LEMD1: variants seen among roughly 807,000 people sequenced by gnomAD.
The protein encoded by LEMD1 is LEM domain containing 1.
In LEMD1, 18 loss-of-function variants were observed where a neutral mutation model predicts 17.4. The observed-to-expected ratio is 1.04, with a 90% CI of 0.72 to 1.54. The LOEUF (loss-of-function observed/expected upper bound fraction) is 1.54. LEMD1 is among the 40% of genes most tolerant of loss of function. LEMD1 has a pLI of 0.00. For synonymous variants in LEMD1, 88 were observed against 77.8 expected, an observed-to-expected ratio of 1.13 and a Z score of -0.69; for missense variants, 195 against 210.4, an observed-to-expected ratio of 0.93 and a Z score of 0.45.
intron 5 of LEMD1, 112 bp downstream of exon 5, chr1:205,384,176 C>T (rs1217502081): frequency 5.3e-6 from 3 of 561,232 alleles, no homozygotes; most frequent in Non-Finnish European, 8.6e-6. Context: ...TCTCCTTTCT[C>T]AACAGATTCT....
intron 1 of LEMD1, among the ~76,000 whole-genome samples, chr1:205,442,025 C>G (rs540719142): frequency 6.6e-6 from 1 of 152,206 alleles, no homozygotes; most frequent in Non-Finnish European, 1.5e-5. Flanking sequence ...CCTTAACCAC[C>G]TGCAGATTTT....
intron 4 of LEMD1, among the ~76,000 whole-genome samples, chr1:205,390,186 CT>C (rs1176859711): frequency 1.3e-5 from 2 of 152,014 alleles, no homozygotes; most frequent in African/African-American, 2.4e-5. Context: ...GAAACTCCAC[CT>C]CTACTAAAAA....
intron 1 of LEMD1, among the ~76,000 whole-genome samples, chr1:205,439,131 A>T (rs1666253367): frequency 1.3e-5 from 2 of 152,190 alleles, no homozygotes; most frequent in Non-Finnish European, 2.9e-5. Flanking sequence ...CTCTGTATCA[A>T]GGTAACTTTT....
chr1:205,427,903 G>A (rs1666077928), intron 1 of LEMD1, among the ~76,000 whole-genome samples: 1 of 152,216 alleles, frequency 6.6e-6, no homozygotes, highest in Non-Finnish European at 1.5e-5. Context: ...CCATACTCGT[G>A]AAATGGAAAC....
At chr1:205,390,037 T>C (rs1461695150) in intron 4 of LEMD1, among the ~76,000 whole-genome samples, 1 of 151,936 alleles carries the variant, frequency 6.6e-6, no homozygotes, top group Non-Finnish European at 1.5e-5. Flanking sequence ...AACCTTATGA[T>C]CATCTCCATT....
At chr1:205,419,385 T>C in intron 2 of LEMD1, 33 bp from the exon 3 acceptor site, 1 of 1,613,520 alleles carries the variant, frequency 6.2e-7, no homozygotes. Context: ...AATTAAATTG[T>C]TCTGTTTTTT....
rs964368964 is a variant in LEMD1 at position 205,441,728 on chromosome 1, G to A, written c.-39+8140C>T. Among the ~76,000 whole-genome samples, 8 of 152,222 alleles carry A rather than the reference G, an allele frequency of 5.3e-5. No homozygotes were observed. The highest frequency in any genetic ancestry group is 1.3e-4 in the Admixed American group (2 of 15,282). On this transcript the variant is annotated intron_variant, in intron 1 of 3. Transcript: ENST00000367154. The surrounding 1 kb of genome is among the most constrained non-coding windows in gnomAD (Gnocchi z 4.3). ...GCAAAGAGGGTTCTTTTAGCCAACA[G>A]GCTCTTTTATTTAGCACCTATGCTG...
chr1:205,435,481 T>C (rs1558741739), intron 1 of LEMD1: 1 of 152,258 alleles, frequency 6.6e-6, no homozygotes, highest in Non-Finnish European at 1.5e-5. Flanking sequence ...TATTTTGCTT[T>C]AGGCAGAAAG....
At position 205,381,524 on chromosome 1, in the gene LEMD1, TGA is replaced by T. The variant is rs1274688711; in HGVS notation, c.*132_*133del. On this transcript the variant is annotated 3_prime_UTR_variant, in exon 6 of 6. Coordinates refer to ENST00000367153, the MANE Select transcript of LEMD1 (RefSeq NM_001199050.2). ...CTGGCTGAGCCCAGACACCGATCTG[TGA>T]GAGCAGCACAGTGCAAGGGAAGGCT... The T allele has an allele frequency of 1.2e-6, 1 of 830,436 alleles. No individual in the cohort carries two copies. 51.4% of individuals were successfully genotyped at this position (830,436 alleles called of 1,614,324 possible). A position where few individuals can be genotyped will look rare whatever the true frequency, so the allele number is the denominator to read the frequency against.
chr1:205,422,722 G>A (rs1007377131), upstream of LEMD1, among the ~76,000 whole-genome samples: 6 of 152,302 alleles, frequency 3.9e-5, no homozygotes, highest in East Asian at 1.9e-4. Context: ...TTTTAAAGAC[G>A]TGTGCAAGAC....
In LEMD1 at chr1:205,381,616, G is replaced by C; in HGVS notation, c.*42C>G. ...GGTAGTGTTTTGGTTCTTTCCTGAA[G>C]CAGGAGGCCTCGCTTGGAGCATTGC... On this transcript the variant is annotated 3_prime_UTR_variant, in exon 6 of 6. Coordinates refer to ENST00000367153, the MANE Select transcript of LEMD1 (RefSeq NM_001199050.2). The C allele has an allele frequency of 6.3e-7, 1 of 1,596,674 alleles. No individual in the cohort carries two copies. Among genetic ancestry groups the C allele is most frequent in the Non-Finnish European group, 8.6e-7 (1 of 1,164,132 alleles).
intron 4 of LEMD1, among the ~76,000 whole-genome samples, chr1:205,388,509 C>G (rs906107202): frequency 6.6e-6 from 1 of 152,058 alleles, no homozygotes; most frequent in Non-Finnish European, 1.5e-5. Context: ...ATCTTTCTAA[C>G]AACTCTAGGA....
chr1:205,428,431 C>G (rs376493632), intron 1 of LEMD1, among the ~76,000 whole-genome samples: 1 of 152,140 alleles, frequency 6.6e-6, no homozygotes, highest in Non-Finnish European at 1.5e-5. Flanking sequence ...TTTCCTGAAC[C>G]CTACCACATG....
chr1:205,434,792 A>G (rs966496492), intron 1 of LEMD1: 1 of 152,222 alleles, frequency 6.6e-6, no homozygotes, highest in Non-Finnish European at 1.5e-5. Context: ...ATGGAAACAA[A>G]TGTTTAGCTT....
At chr1:205,419,557 C>T (rs1665861848) in intron 2 of LEMD1, among the ~76,000 whole-genome samples, 1 of 152,172 alleles carries the variant, frequency 6.6e-6, no homozygotes, top group South Asian at 2.1e-4. Context: ...CTCTGCCTCC[C>T]ATATTCAAGC....
chr1:205,419,345 G>A lies in LEMD1; in HGVS notation c.90C>T (p.Thr30=). 2 of 1,614,108 alleles carry A rather than the reference G, an allele frequency of 1.2e-6. No individual in the cohort carries two copies. The highest frequency in any genetic ancestry group is 2.2e-5 in the East Asian group (1 of 44,884). The change falls in exon 3 of 6, where the codon ACC becomes ACT. Residue 30 remains threonine (T), a synonymous_variant. Coordinates refer to ENST00000367153, the MANE Select transcript of LEMD1 (RefSeq NM_001199050.2). ...CTAACTTTTTTTCATACAACTTTCT[G>A]GTGGAAGCTGAGGAAGAATTTGGAG... ...GFSPGPILPS[T]RKLYEKKLVQ...
Position 205,420,817 on chromosome 1 carries a change from G to A in LEMD1, c.-38-243C>T, listed in dbSNP as rs549269859. 6.6e-4 allele frequency among the ~76,000 whole-genome samples: 100 copies of A among 152,254 alleles called. 1 individual carries two copies. The highest frequency in any genetic ancestry group is 1.0e-3 in the Non-Finnish European group (70 of 68,024). Reference sequence around the variant, plus strand: ...CTTTAGGGCTCAATTAGTTACAACTGTTCTGTTCAATGAATATGAGAAAAA... The same window carrying A: ...CTTTAGGGCTCAATTAGTTACAACTATTCTGTTCAATGAATATGAGAAAAA... On this transcript the variant is annotated intron_variant, in intron 1 of 5. Coordinates refer to ENST00000367153, the MANE Select transcript of LEMD1 (RefSeq NM_001199050.2).
chr1:205,417,483 G>A (rs1035439568), intron 3 of LEMD1, among the ~76,000 whole-genome samples: 1 of 152,122 alleles, frequency 6.6e-6, no homozygotes, highest in Non-Finnish European at 1.5e-5. Flanking sequence ...CAGAGTGTTG[G>A]TTTGGTCTCT....
At chr1:205,413,481 G>T (rs1665546168) in intron 4 of LEMD1, among the ~76,000 whole-genome samples, 1 of 151,470 alleles carries the variant, frequency 6.6e-6, no homozygotes, top group South Asian at 2.1e-4. Flanking sequence ...TAGAGATGAG[G>T]TGTCACCATC....
Sources: gnomAD v4.1 joint callset for allele counts (sites outside exome capture counted in the v4.1 genomes callset) on GRCh38, gnomAD v4.1.1 for gene constraint, Gnocchi (gnomAD v3.1) non-coding constraint, MANE v1.5 for transcripts, NCBI Gene and HGNC (gene_info 2026-07-23, HGNC 2026-07-21) for gene names.